The following KNTC1 variants were observed in gnomAD, a reference collection of about 807,000 sequenced individuals.
KNTC1 encodes the protein kinetochore associated 1.
Under a neutral mutation model 314.4 loss-of-function variants are expected in KNTC1, and 253 were observed. That is an observed-to-expected ratio of 0.80 (90% CI 0.73 to 0.89). The LOEUF is 0.89. Among genes scored for constraint, KNTC1 ranks in the 40% least tolerant of loss-of-function variants. The pLI, the probability that KNTC1 is intolerant of heterozygous loss-of-function variation, is 0.00. For missense variants in KNTC1, 2,475 were observed against 2,572.9 expected (o/e 0.96, Z 0.82); for synonymous variants, 901 against 901.4 (o/e 1.00, Z 0.01).
chr12:122,547,868 T>C, intron 11 of KNTC1, 47 bp from the exon 12 acceptor site: 1 of 1,101,508 alleles, frequency 9.1e-7, no homozygotes, highest in Non-Finnish European at 1.3e-6. Context: ...ATGTTTTTGT[T>C]GTGTAAAAGT....
intron 48 of KNTC1, among the ~76,000 whole-genome samples, chr12:122,603,665 G>T (rs1397186699): frequency 1.3e-5 from 2 of 152,030 alleles, no homozygotes; most frequent in African/African-American, 4.8e-5. Context: ...GCTAATTTTT[G>T]TATTTTTAGT....
rs1965378948 is a variant in KNTC1, at chr12:122,580,900, C to T, written c.2982+230C>T. Among the ~76,000 whole-genome samples, 4 of 152,000 alleles carry T rather than the reference C, an allele frequency of 2.6e-5. No individual in the cohort carries two copies. The South Asian group carries it at 8.3e-4, about 31-fold the overall frequency. ...AAAATTAGCCAGGCGTGGTGGCACT[C>T]ACCTGTAGTCCCAGCTACTCGGGAG... is the stretch of plus-strand genomic sequence containing the variant. On this transcript the variant is annotated intron_variant, in intron 33 of 63. Coordinates refer to ENST00000333479, the MANE Select transcript of KNTC1 (RefSeq NM_014708.6).
Position 122,624,632 on chromosome 12 carries a change from T to C in KNTC1, c.6550T>C (p.Ser2184Pro), listed in dbSNP as rs377549886. The C allele has an allele frequency of 6.2e-7, 1 of 1,613,526 alleles. No individual in the cohort carries two copies. Among genetic ancestry groups the C allele is most frequent in the Non-Finnish European group, 8.5e-7 (1 of 1,179,542 alleles). ...AGCTTCAGTCTTGATAACTGAATAT[T>C]CAAAGCACTGCGGGAAACCTGTGCC... ...DEASVLITEY[S>P]KHCGKPVPPD... The change falls in exon 63 of 64, where the codon TCA becomes CCA. Residue 2184 changes from serine to proline, a missense_variant. Physicochemically the swap from Ser to Pro is moderately conservative, Grantham distance 74. Coordinates refer to ENST00000333479, the MANE Select transcript of KNTC1 (RefSeq NM_014708.6).
chr12:122,599,704 C>G (rs1400340272), intron 44 of KNTC1, among the ~76,000 whole-genome samples: 1 of 152,112 alleles, frequency 6.6e-6, no homozygotes, highest in African/African-American at 2.4e-5. Flanking sequence ...ATTTTGCTTG[C>G]AATTCAGCCA....
chr12:122,580,080 G>A (rs879689922), intron 32 of KNTC1, 103 bp downstream of exon 32: 6 of 722,132 alleles, frequency 8.3e-6, no homozygotes, highest in Non-Finnish European at 1.4e-5. Flanking sequence ...AGTTTTTCTG[G>A]TTCTGATTGT....
rs75229279 is a variant in KNTC1, at chr12:122,553,284, C to T, written c.1272+1588C>T. Among the ~76,000 whole-genome samples, 957 of 152,096 alleles carry T rather than the reference C, an allele frequency of 6.3e-3. 12 individuals carry two copies. The highest frequency in any genetic ancestry group is 0.022 in the African/African-American group (915 of 41,478). ...CTGGCTAAGCATACACATTGGGTGACGATGGCATGACCTGAAATGAGGAAT... is the reference window on the plus strand; with the variant it reads ...CTGGCTAAGCATACACATTGGGTGATGATGGCATGACCTGAAATGAGGAAT... On this transcript the variant is annotated intron_variant, in intron 16 of 63. Transcript: ENST00000333479.
In KNTC1 at chr12:122,547,544, A is replaced by AC; in HGVS notation, c.932+14_932+15insC. 1 of 1,475,890 alleles carries AC rather than the reference A, an allele frequency of 6.8e-7. No individual in the cohort carries two copies. Among genetic ancestry groups the AC allele is most frequent in the Non-Finnish European group, 9.5e-7 (1 of 1,057,012 alleles). The allele number at this position is 1,475,890 out of a possible 1,614,324, so 91.4% of individuals were successfully genotyped here. ...ATCAGTCACGTGGTATGTTATGACT[A>AC]TGGCTAGTAGTCATTTCCCTTCTGT... On this transcript the variant is annotated intron_variant, in intron 11 of 63. Coordinates refer to ENST00000333479, the MANE Select transcript of KNTC1 (RefSeq NM_014708.6).
chr12:122,607,132 T>C (rs1353366764), intron 51 of KNTC1, among the ~76,000 whole-genome samples: 3 of 152,122 alleles, frequency 2.0e-5, no homozygotes, highest in Non-Finnish European at 4.4e-5. Context: ...GGTACAATAT[T>C]AGCTCACTGC....
At chr12:122,552,018 C>G (rs1307178672) in intron 16 of KNTC1, among the ~76,000 whole-genome samples, 1 of 152,118 alleles carries the variant, frequency 6.6e-6, no homozygotes, top group Non-Finnish European at 1.5e-5. Context: ...AGCGATTCTC[C>G]TGCCTCAGCC....
Position 122,622,507 on chromosome 12 carries a change from G to C in KNTC1, c.6415G>C (p.Gly2139Arg), listed in dbSNP as rs1349692301. The change falls in exon 62 of 64, where the codon GGG becomes CGG. Residue 2139 changes from glycine (G) to arginine (R), a missense_variant. Gly to Arg is a moderately radical substitution (Grantham distance 125, BLOSUM62 -2). Coordinates refer to ENST00000333479, the MANE Select transcript of KNTC1 (RefSeq NM_014708.6). ...TAATATCATCAATAAGAAGGAGTTT[G>C]GGATTTTGGCAAAGACCAAATACTT... Reference protein sequence around the residue: ...LNNIINKKEFGILAKTKYFQM... With the variant: ...LNNIINKKEFRILAKTKYFQM... 1 of 1,582,748 alleles carries C rather than the reference G, an allele frequency of 6.3e-7. No homozygotes were observed. Among genetic ancestry groups the C allele is most frequent in the Non-Finnish European group, 8.6e-7 (1 of 1,162,430 alleles).
chr12:122,606,823 G>A (rs1194526549), intron 51 of KNTC1, among the ~76,000 whole-genome samples: 4 of 151,670 alleles, frequency 2.6e-5, no homozygotes, highest in Admixed American at 6.6e-5. Context: ...TAAATTGCAC[G>A]TGGCATGCCC....
At chr12:122,572,355 A>G (rs750040657) in intron 24 of KNTC1, among the ~76,000 whole-genome samples, 5 of 152,082 alleles carry the variant, frequency 3.3e-5, no homozygotes, top group Admixed American at 1.3e-4. Context: ...AGATTGTGCC[A>G]CTGCACTCCT....
rs1868620352 is a variant in KNTC1 at position 122,582,869 on chromosome 12, A to G, written c.3147A>G (p.Glu1049=). The change falls in exon 34 of 64, where the codon GAA becomes GAG. Residue 1049 remains glutamate (E), a synonymous_variant. Transcript: ENST00000333479. The part of the protein sequence containing the change: ...IAAEVRSPSM[E]SKLHRQALAL... ...CTGAGGTGAGGAGCCCAAGCATGGA[A>G]TCAAAGCTGCACAGACAGGCACTGG... 5.6e-6 allele frequency: 9 copies of G among 1,612,454 alleles called. No homozygotes were observed. Among genetic ancestry groups the G allele is most frequent in the Non-Finnish European group, 6.8e-6 (8 of 1,179,232 alleles).
chr12:122,599,470 A>G (rs574938793), intron 44 of KNTC1, among the ~76,000 whole-genome samples: 42 of 151,792 alleles, frequency 2.8e-4, no homozygotes, highest in Admixed American at 3.9e-4. Flanking sequence ...TCCTGCCTCA[A>G]CCTTCCAACT....
rs778177496 is a variant in KNTC1, at chr12:122,622,465, A to G, written c.6373A>G (p.Arg2125Gly). ...AATGATACCTGTCATTCTATAGATTAGAAGTCTGATTTTGAATAATATCAT... is the reference window on the plus strand; with the variant it reads ...AATGATACCTGTCATTCTATAGATTGGAAGTCTGATTTTGAATAATATCAT... The part of the protein sequence containing the change: ...GQLAGFSHQI[R>G]SLILNNIINK... The change falls in exon 62 of 64, where the codon AGA (arginine) becomes GGA (glycine). Residue 2125 changes from arginine to glycine, a missense_variant. Coordinates refer to ENST00000333479, the MANE Select transcript of KNTC1 (RefSeq NM_014708.6). The G allele has an allele frequency of 1.5e-5, 23 of 1,571,542 alleles. No individual in the cohort carries two copies. The highest frequency in any genetic ancestry group is 2.0e-5 in the Non-Finnish European group (23 of 1,153,090).
Position 122,547,983 on chromosome 12 carries a change from T to C in KNTC1, c.987+14T>C. The C allele has an allele frequency of 6.6e-7, 1 of 1,514,512 alleles. No homozygotes were observed. Among genetic ancestry groups the C allele is most frequent in the Non-Finnish European group, 8.9e-7 (1 of 1,126,000 alleles). 93.8% of individuals were successfully genotyped at this position (1,514,512 alleles called of 1,614,324 possible). A position where few individuals can be genotyped will look rare whatever the true frequency, so the allele number is the denominator to read the frequency against. On this transcript the variant is annotated intron_variant, in intron 12 of 63. Coordinates refer to ENST00000333479, the MANE Select transcript of KNTC1 (RefSeq NM_014708.6). The stretch of plus-strand genomic sequence containing the variant: ...GCTAATAAGAAGGTATTGGAAAATT[T>C]TATTTTGTGCTTGCCTATATTATGT...
chr12:122,584,541 C>A, intron 35 of KNTC1, 91 bp downstream of exon 35: 1 of 891,258 alleles, frequency 1.1e-6, no homozygotes, highest in Non-Finnish European at 1.7e-6. Flanking sequence ...TTGGACATCA[C>A]GGTAATCAGA....
chr12:122,551,302 T>C lies in KNTC1; in HGVS notation c.1087-17T>C, dbSNP rs1420266480. Reference sequence around the variant, plus strand: ...CTCTTATATTGGAATTTTAATCATGTTTTTTTGTTATTGTAGGATACCATA... The same window carrying C: ...CTCTTATATTGGAATTTTAATCATGCTTTTTTGTTATTGTAGGATACCATA... On this transcript the variant is annotated splice_polypyrimidine_tract_variant and intron_variant, in intron 13 of 63. Transcript: ENST00000333479. 16 of 1,475,024 alleles carry C rather than the reference T, an allele frequency of 1.1e-5. No individual in the cohort carries two copies. Among genetic ancestry groups the C allele is most frequent in the Non-Finnish European group, 1.5e-5 (16 of 1,069,124 alleles). 91.4% of individuals were successfully genotyped at this position (1,475,024 alleles called of 1,614,324 possible). A position where few individuals can be genotyped will look rare whatever the true frequency, so the allele number is the denominator to read the frequency against.
chr12:122,569,003 A>G (rs78459133), intron 21 of KNTC1, among the ~76,000 whole-genome samples: 3 of 152,252 alleles, frequency 2.0e-5, no homozygotes, highest in East Asian at 1.9e-4. Flanking sequence ...ATGGAGGGAA[A>G]CACACACCGG....
Sources: gnomAD v4.1 joint callset for allele counts (sites outside exome capture counted in the v4.1 genomes callset) on GRCh38, gnomAD v4.1.1 for gene constraint, MANE v1.5 for transcripts, NCBI Gene and HGNC (gene_info 2026-07-23, HGNC 2026-07-21) for gene names.